The following SCARB2 variants were observed in gnomAD, a reference collection of about 807,000 sequenced individuals.
The protein encoded by SCARB2 is scavenger receptor class B member 2, also known as lysosome membrane protein 2.
SCARB2 carries 29 observed loss-of-function variants against 58.6 expected under a neutral mutation model. The observed-to-expected ratio is 0.49, with a 90% CI of 0.37 to 0.67. SCARB2 has a LOEUF of 0.67. Ranked by LOEUF, SCARB2 falls within the 30% of genes least tolerant of loss-of-function variation. The probability of loss-of-function intolerance (pLI) is 0.00; values close to 1 mark genes in which losing one functional copy is unlikely to be tolerated. For missense variants in SCARB2, 488 were observed against 578.5 expected (o/e 0.84, Z 1.60); for synonymous variants, 195 against 210.1 (o/e 0.93, Z 0.62).
chr4:76,178,524 G>A (rs1302948702), intron 4 of SCARB2, among the ~76,000 whole-genome samples: 3 of 152,160 alleles, frequency 2.0e-5, no homozygotes, highest in African/African-American at 7.2e-5. Context: ...GGGCCTCGAG[G>A]GAACCTTTGC....
chr4:76,207,640 A>G (rs1309274936), intron 1 of SCARB2, among the ~76,000 whole-genome samples: 1 of 152,144 alleles, frequency 6.6e-6, no homozygotes, highest in Non-Finnish European at 1.5e-5. Flanking sequence ...TCCTTAGTGT[A>G]TAGTGTATAG....
chr4:76,233,616 C>G (rs935455765), intron 1 of SCARB2, among the ~76,000 whole-genome samples: 2 of 151,476 alleles, frequency 1.3e-5, no homozygotes, highest in African/African-American at 4.9e-5. Context: ...ATGTAACTGA[C>G]AAGCATATAA....
chr4:76,180,912 TCTTC>T, intron 3 of SCARB2, 38 bp downstream of exon 3: 1 of 1,570,514 alleles, frequency 6.4e-7, no homozygotes, highest in Non-Finnish European at 8.7e-7. Flanking sequence ...CTTTTTCCTT[TCTTC>T]CAAAATCCAA....
chr4:76,189,469 T>TCTGTTGTTGTTG (rs1439704361), intron 2 of SCARB2, among the ~76,000 whole-genome samples: 5 of 127,768 alleles, frequency 3.9e-5, no homozygotes, highest in African/African-American at 1.7e-4. Context: ...AGGGTTTTTG[T>TCTGTTGTTGTTG]TTGTCTGTTG....
At chr4:76,222,012 A>G (rs1733317982) in intron 1 of SCARB2, among the ~76,000 whole-genome samples, 1 of 152,236 alleles carries the variant, frequency 6.6e-6, no homozygotes, top group African/African-American at 2.4e-5. Context: ...GAAGGGATCC[A>G]CCTGGTATAC....
intron 2 of SCARB2, among the ~76,000 whole-genome samples, chr4:76,190,259 C>T (rs1732576979): frequency 6.6e-6 from 1 of 152,104 alleles, no homozygotes; most frequent in Non-Finnish European, 1.5e-5. Flanking sequence ...ATCTGCCCAC[C>T]TCAACCCCCC....
Position 76,213,585 on chromosome 4 carries a change from G to C in SCARB2, c.-42C>G. 1 of 1,539,586 alleles carries C rather than the reference G, an allele frequency of 6.5e-7. No individual in the cohort carries two copies. Among genetic ancestry groups the C allele is most frequent in the Non-Finnish European group, 9.0e-7 (1 of 1,117,214 alleles). On this transcript the variant is annotated 5_prime_UTR_variant, in exon 1 of 12. Coordinates refer to ENST00000264896, the MANE Select transcript of SCARB2 (RefSeq NM_005506.4). Reference sequence around the variant, plus strand: ...GGGCCGGGCCGGGCCGCACCCGCCAGGGATCCAACTGCAAGGAGGGAGGAG... The same window carrying C: ...GGGCCGGGCCGGGCCGCACCCGCCACGGATCCAACTGCAAGGAGGGAGGAG...
At chr4:76,180,084 T>C (rs1470193) in intron 3 of SCARB2, 33,401 of 331,488 alleles carry the variant, frequency 0.1, 2,250 homozygotes, top group East Asian at 0.2. Flanking sequence ...TGGGACTAGG[T>C]GGCAGGGACC....
In SCARB2 at chr4:76,180,987, A is replaced by T; in HGVS notation, c.390T>A (p.Ile130=). ...ERDQSVGDPK[I]DLIRTLNIPV... ...GAATATTTAATGTTCTAATTAAGTC[A>T]ATTTTAGGGTCTCCAACAGATTGGT... Residue 130 remains isoleucine, a synonymous_variant, in exon 3 of 12, where the codon ATT becomes ATA. Transcript: ENST00000264896. 1 of 1,613,070 alleles carries T rather than the reference A, an allele frequency of 6.2e-7. No individual in the cohort carries two copies. Among genetic ancestry groups the T allele is most frequent in the Non-Finnish European group, 8.5e-7 (1 of 1,179,588 alleles).
chr4:76,200,810 G>A (rs190670543), intron 1 of SCARB2, among the ~76,000 whole-genome samples: 208 of 152,246 alleles, frequency 1.4e-3, no homozygotes, highest in Non-Finnish European at 2.4e-3. Context: ...ACTAAGTCCT[G>A]CTGATTTCAC....
intron 1 of SCARB2, chr4:76,213,119 C>A: frequency 5.2e-6 from 2 of 387,108 alleles, no homozygotes; most frequent in Non-Finnish European, 4.9e-6. Flanking sequence ...AAGTTTGGGC[C>A]CACCTGAGAT....
At position 76,165,045 on chromosome 4, in the gene SCARB2, G is replaced by C. The variant is rs560015544; in HGVS notation, c.1239+1205C>G. ...ACTCCACACACCTGGACTTAATCTAGTCTTTCACAAAAAAGCAAATTAGAA... is the reference window on the plus strand; with the variant it reads ...ACTCCACACACCTGGACTTAATCTACTCTTTCACAAAAAAGCAAATTAGAA... On this transcript the variant is annotated intron_variant, in intron 10 of 11. Transcript: ENST00000264896. The C allele has an allele frequency of 2.6e-5, 4 of 152,220 alleles. No homozygotes were observed. The South Asian group carries it at 8.3e-4, about 32-fold the overall frequency. 9.4% of individuals were successfully genotyped at this position (152,220 alleles called of 1,614,324 possible).
rs760327220 is a variant in SCARB2, at chr4:76,213,531, A to G, written c.13T>C (p.Cys5Arg). 6.2e-7 allele frequency: 1 copy of G among 1,609,938 alleles called. No individual in the cohort carries two copies. The highest frequency in any genetic ancestry group is 2.2e-5 in the East Asian group (1 of 44,664). The change falls in exon 1 of 12, where the codon TGC becomes CGC. Residue 5 changes from cysteine to arginine, a missense_variant. Cys to Arg is a radical substitution (Grantham distance 180). Coordinates refer to ENST00000264896, the MANE Select transcript of SCARB2 (RefSeq NM_005506.4). ...GACAACGTCCCCGCCGTGTAGAAGCAGCATCGGCCCATTCTGTGCGCCGCT... is the reference window on the plus strand; with the variant it reads ...GACAACGTCCCCGCCGTGTAGAAGCGGCATCGGCCCATTCTGTGCGCCGCT... MGRC[C>R]FYTAGTLSLL...
Position 76,198,659 on chromosome 4 carries a change from T to C in SCARB2, c.118-2795A>G, listed in dbSNP as rs982241569. Among the ~76,000 whole-genome samples, 5 of 152,220 alleles carry C rather than the reference T, an allele frequency of 3.3e-5. No individual in the cohort carries two copies. In the South Asian group the frequency reaches 6.2e-4, roughly 19 times the overall value. On this transcript the variant is annotated intron_variant, in intron 1 of 11. Coordinates refer to ENST00000264896, the MANE Select transcript of SCARB2 (RefSeq NM_005506.4). ...CCTTCTCTGCCTGGCCACTTCTTAG[T>C]TGAGTCACCAGCACTCAGACAAATC...
chr4:76,221,930 C>T (rs763894995), intron 1 of SCARB2, among the ~76,000 whole-genome samples: 8 of 152,290 alleles, frequency 5.3e-5, no homozygotes, highest in Non-Finnish European at 1.0e-4. Context: ...GAAAAAAATG[C>T]GTATTCCTTA....
At chr4:76,222,033 A>C (rs1173735026) in intron 1 of SCARB2, among the ~76,000 whole-genome samples, 1 of 152,244 alleles carries the variant, frequency 6.6e-6, no homozygotes. Context: ...TAATATCTCT[A>C]TATGAAACAA....
At chr4:76,215,151 G>C (rs530092058), upstream of SCARB2, among the ~76,000 whole-genome samples, 1 of 152,234 alleles carries the variant, frequency 6.6e-6, no homozygotes, top group Non-Finnish European at 1.5e-5. Flanking sequence ...TCAGGGTATG[G>C]ATTTCAGCAG....
At chr4:76,211,127 G>A (rs560102105) in intron 1 of SCARB2, among the ~76,000 whole-genome samples, 11 of 152,206 alleles carry the variant, frequency 7.2e-5, no homozygotes, top group Non-Finnish European at 1.6e-4. Flanking sequence ...TACACATGCA[G>A]AGACAAATCC....
chr4:76,164,128 T>C (rs1457494544), intron 10 of SCARB2: 3 of 152,352 alleles, frequency 2.0e-5, no homozygotes. Flanking sequence ...AGCAGAGGAA[T>C]TACCACCTAG....
Sources: gnomAD v4.1 joint callset for allele counts (sites outside exome capture counted in the v4.1 genomes callset) on GRCh38, gnomAD v4.1.1 for gene constraint, MANE v1.5 for transcripts, NCBI Gene and HGNC (gene_info 2026-07-23, HGNC 2026-07-21) for gene names.